Variants in METRNL observed in about 807,000 individuals in gnomAD.
METRNL encodes meteorin like, glial cell differentiation regulator.
A neutral mutation model predicts 17.4 loss-of-function variants in METRNL; 9 were observed. The ratio of observed to expected loss-of-function variants is 0.52; its 90% CI spans 0.31 to 0.90. The LOEUF is 0.90. Ranked by LOEUF, METRNL falls within the 40% of genes least tolerant of loss-of-function variation. The pLI, the probability that METRNL is intolerant of heterozygous loss-of-function variation, is 0.05. For synonymous variants in METRNL, 215 were observed against 199.3 expected, an observed-to-expected ratio of 1.08 and a Z score of -0.66; for missense variants, 408 against 430.7, an observed-to-expected ratio of 0.95 and a Z score of 0.47.
At position 83,079,882 on chromosome 17, in the gene METRNL, G is replaced by C. The variant is rs1421203849; in HGVS notation, c.67G>C (p.Gly23Arg). ...GCCGTGGCCGCGACCCCCCGCCCCG[G>C]GCCCGCCCCCGCCGCCGCTCCCGCT... ...GQPWPRPPAP[G>R]PPPPPLPLLL... is the part of the protein sequence containing the mutation. Residue 23 changes from glycine (G) to arginine (R), a missense_variant, in exon 1 of 4, where the codon GGC (glycine) becomes CGC (arginine). By Grantham distance (125) the Gly-to-Arg change is moderately radical. Coordinates refer to ENST00000320095, the MANE Select transcript of METRNL (RefSeq NM_001004431.3). 2.0e-6 allele frequency: 2 copies of C among 980,202 alleles called. No homozygotes were observed. Among genetic ancestry groups the C allele is most frequent in the Non-Finnish European group, 2.4e-6 (2 of 826,504 alleles). 60.7% of individuals were successfully genotyped at this position (980,202 alleles called of 1,614,324 possible).
intron 3 of METRNL, among the ~76,000 whole-genome samples, chr17:83,094,016 G>A (rs1166135486): frequency 6.6e-6 from 1 of 152,226 alleles, no homozygotes; most frequent in Admixed American, 6.5e-5. Context: ...CATTTAACAG[G>A]TCTGGCCCTT....
rs556746973 is a variant in METRNL, at chr17:83,082,253, C to T, written c.170+2268C>T. Reference sequence around the variant, plus strand: ...GCAAGGTGGGGAAAGGAAAGTTAACCTGCCAGTGGGTTCGAAGCCCTTCCT... The same window carrying T: ...GCAAGGTGGGGAAAGGAAAGTTAACTTGCCAGTGGGTTCGAAGCCCTTCCT... On this transcript the variant is annotated intron_variant, in intron 1 of 3. Coordinates refer to ENST00000320095, the MANE Select transcript of METRNL (RefSeq NM_001004431.3). The T allele has an allele frequency of 1.8e-5, 18 of 985,458 alleles. No homozygotes were observed. In the African/African-American group the frequency reaches 2.6e-4, roughly 14 times the overall value. 61.0% of individuals were successfully genotyped at this position (985,458 alleles called of 1,614,324 possible). A position where few individuals can be genotyped will look rare whatever the true frequency, so the allele number is the denominator to read the frequency against.
chr17:83,081,490 A>G (rs918476330), intron 1 of METRNL, among the ~76,000 whole-genome samples: 1 of 152,056 alleles, frequency 6.6e-6, no homozygotes, highest in African/African-American at 2.4e-5. Flanking sequence ...TAGGCAGCCG[A>G]GGGTGGCGGG....
intron 3 of METRNL, among the ~76,000 whole-genome samples, chr17:83,093,764 G>T (rs568432507): frequency 3.3e-5 from 5 of 152,096 alleles, no homozygotes; most frequent in Non-Finnish European, 5.9e-5. Flanking sequence ...GTGTGGTGCC[G>T]TGGAAGCCAT....
chr17:83,086,744 G>A (rs1339740148), intron 2 of METRNL, among the ~76,000 whole-genome samples: 1 of 152,222 alleles, frequency 6.6e-6, no homozygotes, highest in Non-Finnish European at 1.5e-5. Flanking sequence ...GATTCTTAGA[G>A]AGGCTGTGGT....
chr17:83,080,784 C>G (rs1019778564), intron 1 of METRNL, among the ~76,000 whole-genome samples: 1 of 150,248 alleles, frequency 6.7e-6, no homozygotes, highest in African/African-American at 2.4e-5. Context: ...TGCGCGGGGA[C>G]CCGAGTGACG....
intron 1 of METRNL, among the ~76,000 whole-genome samples, chr17:83,080,913 C>G (rs1462806699): frequency 6.6e-6 from 1 of 151,142 alleles, no homozygotes; most frequent in Non-Finnish European, 1.5e-5. Context: ...TGATGTCGAG[C>G]GAAGCTGTTT....
intron 2 of METRNL, among the ~76,000 whole-genome samples, chr17:83,091,049 G>GC: frequency 6.6e-6 from 1 of 152,208 alleles, no homozygotes; most frequent in South Asian, 2.1e-4. Context: ...GGGTCAGGAG[G>GC]CCCCCGTGGT....
chr17:83,093,946 C>G (rs1200873344), intron 3 of METRNL, among the ~76,000 whole-genome samples: 1 of 152,184 alleles, frequency 6.6e-6, no homozygotes, highest in Non-Finnish European at 1.5e-5. Flanking sequence ...TCTGTCTGAT[C>G]AGGACACAGA....
chr17:83,088,997 G>A (rs1600489718), intron 2 of METRNL, among the ~76,000 whole-genome samples: 1 of 152,174 alleles, frequency 6.6e-6, no homozygotes, highest in Non-Finnish European at 1.5e-5. Context: ...CTCTGGGCTT[G>A]TGGAGAGGAA....
In METRNL at chr17:83,080,773, A is replaced by C. The variant is rs1388248726; in HGVS notation, c.170+788A>C. Among the ~76,000 whole-genome samples the C allele has an allele frequency of 3.8e-4, 57 of 149,476 alleles. 1 individual carries two copies. Among genetic ancestry groups the C allele is most frequent in the Non-Finnish European group, 6.4e-4 (43 of 67,344 alleles). On this transcript the variant is annotated intron_variant, in intron 1 of 3. Transcript: ENST00000320095. ...CAGTCGCCAGTTCCGGGGTTCGCAGATGCGCGGGGACCCGAGTGACGCGCG... is the reference window on the plus strand; with the variant it reads ...CAGTCGCCAGTTCCGGGGTTCGCAGCTGCGCGGGGACCCGAGTGACGCGCG...
intron 1 of METRNL, among the ~76,000 whole-genome samples, chr17:83,080,851 C>T (rs539081239): frequency 9.4e-5 from 14 of 148,946 alleles, no homozygotes; most frequent in African/African-American, 3.4e-4. Context: ...CGCTTCCCCT[C>T]GGCGCGGCCC....
chr17:83,080,061 C>G, intron 1 of METRNL, 76 bp downstream of exon 1: 1 of 890,636 alleles, frequency 1.1e-6, no homozygotes, highest in Non-Finnish European at 1.3e-6. Flanking sequence ...GCCGAGCGTG[C>G]GGGGGCGCGG....
chr17:83,084,582 C>G (rs550892803), intron 1 of METRNL: 2 of 283,282 alleles, frequency 7.1e-6, no homozygotes, highest in South Asian at 1.7e-4. Context: ...AGGGACATCG[C>G]AGAGATTGGT....
Position 83,094,252 on chromosome 17 carries a change from A to T in METRNL, c.617-4A>T. 1 of 1,559,172 alleles carries T rather than the reference A, an allele frequency of 6.4e-7. No homozygotes were observed. Among genetic ancestry groups the T allele is most frequent in the Non-Finnish European group, 8.7e-7 (1 of 1,144,450 alleles). On this transcript the variant is annotated splice_region_variant and splice_polypyrimidine_tract_variant and intron_variant, in intron 3 of 3. Coordinates refer to ENST00000320095, the MANE Select transcript of METRNL (RefSeq NM_001004431.3). ...TCCCTGTCCCCATCTCCTTCCCCGCACAGCCGTTCGAGGCTCCATCCAGCA... is the reference window on the plus strand; with the variant it reads ...TCCCTGTCCCCATCTCCTTCCCCGCTCAGCCGTTCGAGGCTCCATCCAGCA...
At chr17:83,093,581 G>A (rs2038166478) in intron 3 of METRNL, among the ~76,000 whole-genome samples, 1 of 152,256 alleles carries the variant, frequency 6.6e-6, no homozygotes, top group African/African-American at 2.4e-5. Context: ...GCAGCCCAGA[G>A]CATCCTTGGC....
intron 3 of METRNL, among the ~76,000 whole-genome samples, chr17:83,093,497 C>T (rs868443556): frequency 1.6e-4 from 24 of 152,200 alleles, no homozygotes; most frequent in Admixed American, 9.2e-4. Context: ...CACTGCTCTT[C>T]GAGGGGACTC....
At chr17:83,092,850 C>T (rs1445313320) in intron 2 of METRNL, among the ~76,000 whole-genome samples, 2 of 152,088 alleles carry the variant, frequency 1.3e-5, no homozygotes, top group African/African-American at 4.8e-5. Flanking sequence ...GGGACATGGC[C>T]GGACTGAGGG....
chr17:83,089,769 C>G (rs1047553853), intron 2 of METRNL, among the ~76,000 whole-genome samples: 1 of 152,164 alleles, frequency 6.6e-6, no homozygotes, highest in Non-Finnish European at 1.5e-5. Context: ...GGCGTCCACC[C>G]TGCATTCTCC....
Sources: gnomAD v4.1 joint callset for allele counts (sites outside exome capture counted in the v4.1 genomes callset) on GRCh38, gnomAD v4.1.1 for gene constraint, MANE v1.5 for transcripts, NCBI Gene and HGNC (gene_info 2026-07-23, HGNC 2026-07-21) for gene names.